MAP3K8: variants seen among roughly 807,000 people sequenced by gnomAD.
The protein encoded by MAP3K8 is Ewing sarcoma transformant.
A neutral mutation model predicts 45.8 loss-of-function variants in MAP3K8; 22 were observed. The ratio of observed to expected loss-of-function variants is 0.48; its 90% CI spans 0.34 to 0.69. The LOEUF (loss-of-function observed/expected upper bound fraction) is 0.69. Ranked by LOEUF, MAP3K8 falls within the 30% of genes least tolerant of loss-of-function variation. The pLI, the probability that MAP3K8 is intolerant of heterozygous loss-of-function variation, is 0.01. For missense variants in MAP3K8, 419 were observed against 585.0 expected (o/e 0.72, Z 2.93); for synonymous variants, 223 against 214.3 (o/e 1.04, Z -0.36).
intron 3 of MAP3K8, among the ~76,000 whole-genome samples, chr10:30,443,381 T>C (rs1188485912): frequency 6.6e-6 from 1 of 152,260 alleles, no homozygotes; most frequent in Non-Finnish European, 1.5e-5. Flanking sequence ...ATACAATTGT[T>C]ACACCCCTTC....
At chr10:30,437,768 C>T (rs571118776) in intron 2 of MAP3K8, among the ~76,000 whole-genome samples, 5 of 152,310 alleles carry the variant, frequency 3.3e-5, no homozygotes, top group East Asian at 1.9e-4. Flanking sequence ...ATCAGACGTG[C>T]GTGGCTTTAG....
At chr10:30,441,655 G>A (rs541372016) in intron 3 of MAP3K8, among the ~76,000 whole-genome samples, 44 of 152,276 alleles carry the variant, frequency 2.9e-4, no homozygotes, top group African/African-American at 1.0e-3. Context: ...CCCAGTGGTC[G>A]ATGGCTCTGG....
Position 30,447,964 on chromosome 10 carries a change from C to T in MAP3K8, c.504+15C>T. The T allele has an allele frequency of 6.3e-7, 1 of 1,588,126 alleles. No homozygotes were observed. Among genetic ancestry groups the T allele is most frequent in the Non-Finnish European group, 8.5e-7 (1 of 1,170,844 alleles). ...CGTGTAAACTGGTATGTGTTTTCTA[C>T]CTAGATAACCCACACTGTGTGTTTG... On this transcript the variant is annotated intron_variant, in intron 4 of 8. Coordinates refer to ENST00000263056, the MANE Select transcript of MAP3K8 (RefSeq NM_005204.4).
chr10:30,438,351 C>G (rs1386691581), intron 2 of MAP3K8, among the ~76,000 whole-genome samples: 1 of 152,204 alleles, frequency 6.6e-6, no homozygotes, highest in African/African-American at 2.4e-5. Flanking sequence ...TGAAACTTGA[C>G]CTATTGCCAT....
rs535198337 is a variant in MAP3K8 at position 30,437,423 on chromosome 10, C to T, written c.-24+17C>T. 5.5e-6 allele frequency: 3 copies of T among 548,958 alleles called. No homozygotes were observed. In the African/African-American group the frequency reaches 6.1e-5, roughly 11 times the overall value. 34.0% of individuals were successfully genotyped at this position (548,958 alleles called of 1,614,324 possible). On this transcript the variant is annotated intron_variant, in intron 2 of 8. Transcript: ENST00000263056. ...CCTCATGAGGTAGGTGCTGTTATTA[C>T]TTCCATTTTACAGATGGGGAAAATT...
At position 30,437,319 on chromosome 10, in the gene MAP3K8, A is replaced by G; in HGVS notation, c.-111A>G. The stretch of plus-strand genomic sequence containing the variant: ...ACTCATGCATACAAAGCAGCTAAAA[A>G]TGACACAGCTTATTTACCATGCCCC... On this transcript the variant is annotated 5_prime_UTR_variant, in exon 2 of 9. The change abolishes an upstream ATG in the 5' untranslated region. Transcript: ENST00000263056. 1 of 985,396 alleles carries G rather than the reference A, an allele frequency of 1.0e-6. No individual in the cohort carries two copies. The highest frequency in any genetic ancestry group is 1.2e-6 in the Non-Finnish European group (1 of 829,882). 61.0% of individuals were successfully genotyped at this position (985,396 alleles called of 1,614,324 possible).
At position 30,434,416 on chromosome 10, in the gene MAP3K8, G is replaced by T. The variant is rs558017097; in HGVS notation, c.-255+38G>T. ...TGGGGGTCTCCGGCGTGTCTTTCGG[G>T]TCGCGTCCCGCCTGGGTGCCCCGGG... On this transcript the variant is annotated intron_variant, in intron 1 of 8. Transcript: ENST00000263056. 7 of 980,520 alleles carry T rather than the reference G, an allele frequency of 7.1e-6. No individual in the cohort carries two copies. In the South Asian group the frequency reaches 2.8e-4, roughly 40 times the overall value. The allele number at this position is 980,520 out of a possible 1,614,324, so 60.7% of individuals were successfully genotyped here.
chr10:30,437,428 A>G (rs966446177), intron 2 of MAP3K8, 22 bp downstream of exon 2: 4 of 492,472 alleles, frequency 8.1e-6, no homozygotes, highest in African/African-American at 4.2e-5. Context: ...TATTACTTCC[A>G]TTTTACAGAT....
chr10:30,449,261 T>C (rs1836452219), intron 4 of MAP3K8, among the ~76,000 whole-genome samples: 1 of 152,190 alleles, frequency 6.6e-6, no homozygotes, highest in African/African-American at 2.4e-5. Context: ...GTTTTTCTTT[T>C]TGAGACGGAG....
intron 6 of MAP3K8, among the ~76,000 whole-genome samples, chr10:30,451,970 T>C (rs1836555506): frequency 1.3e-5 from 2 of 152,118 alleles, no homozygotes. Context: ...TAATACATAA[T>C]AGTATTTGTA....
chr10:30,447,430 CCTGCAGGCA>C (rs780343327), intron 3 of MAP3K8, among the ~76,000 whole-genome samples: 1 of 152,172 alleles, frequency 6.6e-6, no homozygotes, highest in African/African-American at 2.4e-5. Context: ...AACAAGTCAA[CCTGCAGGCA>C]CGGTTTATAT....
intron 3 of MAP3K8, among the ~76,000 whole-genome samples, chr10:30,441,080 AG>A (rs1320657902): frequency 1.3e-5 from 2 of 152,328 alleles, no homozygotes; most frequent in African/African-American, 4.8e-5. Context: ...GTATCAGCAA[AG>A]GGTTTGAGTA....
At chr10:30,449,294 G>C (rs1836453855) in intron 4 of MAP3K8, among the ~76,000 whole-genome samples, 2 of 152,160 alleles carry the variant, frequency 1.3e-5, no homozygotes, top group African/African-American at 4.8e-5. Flanking sequence ...GCCCAGGCTG[G>C]AGTGTAGTGG....
chr10:30,447,031 G>A (rs1339408687), intron 3 of MAP3K8, among the ~76,000 whole-genome samples: 1 of 152,048 alleles, frequency 6.6e-6, no homozygotes, highest in Non-Finnish European at 1.5e-5. Context: ...TATTACAGGC[G>A]TTATCCACTG....
chr10:30,454,216 C>G lies in MAP3K8; in HGVS notation c.873+2472C>G, dbSNP rs1005052907. On this transcript the variant is annotated intron_variant, in intron 6 of 8. Transcript: ENST00000263056. ...AGGGTCTTTGGCTGCACCTCTATGT[C>G]AGGATTACCAGGTCAGTCTTGGTGT... is the stretch of plus-strand genomic sequence containing the variant. 2.0e-5 allele frequency among the ~76,000 whole-genome samples: 3 copies of G among 152,058 alleles called. 1 individual carries two copies. Among genetic ancestry groups the G allele is most frequent in the Admixed American group, 2.0e-4 (3 of 15,268 alleles).
At chr10:30,436,557 CTT>C (rs1835914695) in intron 1 of MAP3K8, among the ~76,000 whole-genome samples, 1 of 152,012 alleles carries the variant, frequency 6.6e-6, no homozygotes, top group South Asian at 2.1e-4. Context: ...ATGCCTGAGA[CTT>C]TTCTGCAGGG....
chr10:30,451,678 G>A lies in MAP3K8; in HGVS notation c.807G>A (p.Val269=), dbSNP rs1204969252. 4 of 1,596,450 alleles carry A rather than the reference G, an allele frequency of 2.5e-6. No homozygotes were observed. Among genetic ancestry groups the A allele is most frequent in the Non-Finnish European group, 3.4e-6 (4 of 1,169,902 alleles). ...TCATGTCCACAAAAGCTGTTTTGGTGGATTTTGGCCTAAGTGTTCAAATGA... is the reference window on the plus strand; with the variant it reads ...TCATGTCCACAAAAGCTGTTTTGGTAGATTTTGGCCTAAGTGTTCAAATGA... ...IVFMSTKAVL[V]DFGLSVQMTE... Residue 269 remains valine, a synonymous_variant, in exon 6 of 9, where the codon GTG becomes GTA. Transcript: ENST00000263056.
intron 5 of MAP3K8, among the ~76,000 whole-genome samples, chr10:30,450,863 C>T (rs1324059294): frequency 6.6e-6 from 1 of 151,600 alleles, no homozygotes; most frequent in Non-Finnish European, 1.5e-5. Flanking sequence ...AAGTTGATCA[C>T]CTGAAGTCAG....
Position 30,461,289 on chromosome 10 carries a change from C to T in MAP3K8, c.*453C>T, listed in dbSNP as rs1180724134. 9.2e-6 allele frequency: 2 copies of T among 217,062 alleles called. No homozygotes were observed. Among genetic ancestry groups the T allele is most frequent in the Non-Finnish European group, 9.3e-6 (1 of 107,910 alleles). The allele number at this position is 217,062 out of a possible 1,614,324, so 13.4% of individuals were successfully genotyped here. A position where few individuals can be genotyped will look rare whatever the true frequency, so the allele number is the denominator to read the frequency against. Reference sequence around the variant, plus strand: ...CTCTTTGAGCCTTTATTGGTAAATTCTGGTATACATTGAATTCATTATAAT... The same window carrying T: ...CTCTTTGAGCCTTTATTGGTAAATTTTGGTATACATTGAATTCATTATAAT... On this transcript the variant is annotated 3_prime_UTR_variant, in exon 9 of 9. Transcript: ENST00000263056.
Sources: gnomAD v4.1 joint callset for allele counts (sites outside exome capture counted in the v4.1 genomes callset) on GRCh38, gnomAD v4.1.1 for gene constraint, MANE v1.5 for transcripts, NCBI Gene and HGNC (gene_info 2026-07-23, HGNC 2026-07-21) for gene names.